Variants in MARCHF1 observed in about 807,000 individuals in gnomAD.
The protein encoded by MARCHF1 is membrane associated ring-CH-type finger 1.
MARCHF1 carries 40 observed loss-of-function variants against 54.2 expected under a neutral mutation model. The ratio of observed to expected loss-of-function variants is 0.74; its 90% CI spans 0.57 to 0.96. The LOEUF (loss-of-function observed/expected upper bound fraction) is 0.96, where lower values mean the gene tolerates loss of function less well. Among genes scored for constraint, MARCHF1 ranks in the 40% least tolerant of loss-of-function variants. The pLI, the probability that MARCHF1 is intolerant of heterozygous loss-of-function variation, is 0.00. For synonymous variants in MARCHF1, 236 were observed against 236.3 expected (o/e 1.00, Z 0.01); for missense variants, 586 against 656.5 (o/e 0.89, Z 1.17).
At chr4:164,241,676 C>G (rs538356635) in intron 1 of MARCHF1, among the ~76,000 whole-genome samples, 167 of 152,280 alleles carry the variant, frequency 1.1e-3, no homozygotes, top group African/African-American at 3.8e-3. Flanking sequence ...GCGTGAGCTA[C>G]GCAGAAGACG....
At chr4:163,863,859 C>T (rs1749994047) in intron 3 of MARCHF1, among the ~76,000 whole-genome samples, 1 of 151,956 alleles carries the variant, frequency 6.6e-6, no homozygotes, top group African/African-American at 2.4e-5. Flanking sequence ...CAAAACAAGA[C>T]ACAAACCAAA....
At chr4:163,944,133 A>ATTTTTT (rs5863642) in intron 3 of MARCHF1, among the ~76,000 whole-genome samples, 5 of 110,110 alleles carry the variant, frequency 4.5e-5, no homozygotes, top group South Asian at 3.2e-4. Context: ...CACCGGGCTA[A>ATTTTTT]TTTTTTTTTT....
At chr4:163,798,525 C>A (rs899057469) in intron 4 of MARCHF1, among the ~76,000 whole-genome samples, 53 of 152,040 alleles carry the variant, frequency 3.5e-4, no homozygotes, top group Non-Finnish European at 1.9e-4. Context: ...GTTTTCAGGG[C>A]AAATGTGTTA....
chr4:163,605,360 C>T (rs1220070601), intron 7 of MARCHF1, among the ~76,000 whole-genome samples: 1 of 152,058 alleles, frequency 6.6e-6, no homozygotes. Flanking sequence ...AATGAGATAC[C>T]ATCTCACACC....
chr4:164,341,560 G>A (rs924930639), intron 1 of MARCHF1, among the ~76,000 whole-genome samples: 3 of 152,226 alleles, frequency 2.0e-5, no homozygotes, highest in Non-Finnish European at 2.9e-5. Flanking sequence ...TATGGAAACT[G>A]GAAAGTCCAA....
At chr4:163,538,358 C>T (rs984932193) in intron 9 of MARCHF1, among the ~76,000 whole-genome samples, 2 of 151,828 alleles carry the variant, frequency 1.3e-5, no homozygotes, top group African/African-American at 4.8e-5. Context: ...CACACAAATC[C>T]CCCACATCTT....
intron 1 of MARCHF1, among the ~76,000 whole-genome samples, chr4:164,115,083 A>G (rs1474420393): frequency 1.3e-5 from 2 of 152,070 alleles, no homozygotes; most frequent in African/African-American, 2.4e-5. Flanking sequence ...AATTTACAAA[A>G]GACAGACAAG....
intron 5 of MARCHF1, among the ~76,000 whole-genome samples, chr4:163,626,257 C>T (rs2110974843): frequency 6.6e-6 from 1 of 152,296 alleles, no homozygotes; most frequent in East Asian, 1.9e-4. Flanking sequence ...GGCAACTTGT[C>T]TTAGTGGCAT....
chr4:164,126,723 G>C (rs1347619372), intron 1 of MARCHF1, among the ~76,000 whole-genome samples: 2 of 152,106 alleles, frequency 1.3e-5, no homozygotes, highest in Non-Finnish European at 1.5e-5. Flanking sequence ...ACAAAATGTT[G>C]GTAGAAATGT....
intron 2 of MARCHF1, among the ~76,000 whole-genome samples, chr4:164,019,682 T>C (rs2110964043): frequency 6.6e-6 from 1 of 152,322 alleles, no homozygotes; most frequent in African/African-American, 2.4e-5. Flanking sequence ...CAAAACTGCT[T>C]CTGACAATTC....
chr4:163,756,631 CAAAAAAAAAAAAA>C lies in MARCHF1; in HGVS notation c.112-55781_112-55769del, dbSNP rs67382228. Among the ~76,000 whole-genome samples the C allele has an allele frequency of 1.2e-4, 8 of 67,576 alleles. No homozygotes were observed. The Admixed American group carries it at 1.4e-3, about 12-fold the overall frequency. The allele number at this position is 67,576 out of a possible 152,430, so 44.3% of individuals were successfully genotyped here. On this transcript the variant is annotated intron_variant, in intron 4 of 9. Coordinates refer to ENST00000514618, the MANE Select transcript of MARCHF1 (RefSeq NM_001394959.1). ...TGGGCGACAGAGCGAGACTCTGTCTCAAAAAAAAAAAAAAAAAAAAAAAAAAGGAAAAGACAAA... is the reference window on the plus strand; with the variant it reads ...TGGGCGACAGAGCGAGACTCTGTCTCAAAAAAAAAAAAAGGAAAAGACAAA...
At chr4:163,565,640 A>G (rs903481241) in intron 8 of MARCHF1, among the ~76,000 whole-genome samples, 1 of 152,208 alleles carries the variant, frequency 6.6e-6, no homozygotes, top group Admixed American at 6.5e-5. Context: ...GACAGACAGG[A>G]GAGCAGGAGT....
chr4:163,534,324 A>T lies in MARCHF1; in HGVS notation c.1340-5278T>A, dbSNP rs1024022304. Among the ~76,000 whole-genome samples the T allele has an allele frequency of 2.0e-5, 3 of 152,080 alleles. No individual in the cohort carries two copies. In the South Asian group the frequency reaches 6.2e-4, roughly 31 times the overall value. On this transcript the variant is annotated intron_variant, in intron 9 of 9. Transcript: ENST00000514618. The stretch of plus-strand genomic sequence containing the variant: ...TGGCATGAGAAAAAATCTTTTTGCC[A>T]TCTGGCCCAGAGGAAGAAGATGCCT...
At chr4:164,167,419 T>C (rs913062695) in intron 1 of MARCHF1, among the ~76,000 whole-genome samples, 1 of 151,654 alleles carries the variant, frequency 6.6e-6, no homozygotes, top group African/African-American at 2.4e-5. Flanking sequence ...TTCACAAAAA[T>C]AGAAAAACAA....
intron 4 of MARCHF1, among the ~76,000 whole-genome samples, chr4:163,737,069 A>G (rs1232323996): frequency 2.0e-5 from 3 of 151,934 alleles, no homozygotes; most frequent in Non-Finnish European, 2.9e-5. Flanking sequence ...GCCTCAAAGT[A>G]GAGACCTGGT....
At chr4:164,364,047 C>T (rs866760120) in intron 1 of MARCHF1, among the ~76,000 whole-genome samples, 6 of 151,816 alleles carry the variant, frequency 4.0e-5, no homozygotes, top group African/African-American at 7.3e-5. Flanking sequence ...TATTATATTG[C>T]GTAAACATCT....
rs551080343 is a variant in MARCHF1, at chr4:164,220,735, G to T, written c.-322-109073C>A. Among the ~76,000 whole-genome samples, 5 of 144,382 alleles carry T rather than the reference G, an allele frequency of 3.5e-5. No homozygotes were observed. In the South Asian group the frequency reaches 8.6e-4, roughly 25 times the overall value. The allele number at this position is 144,382 out of a possible 152,430, so 94.7% of individuals were successfully genotyped here. A position where few individuals can be genotyped will look rare whatever the true frequency, so the allele number is the denominator to read the frequency against. ...TAATATATATGATATATGTATATATGTAATATATATGCTATATATGTAATA... is the reference window on the plus strand; with the variant it reads ...TAATATATATGATATATGTATATATTTAATATATATGCTATATATGTAATA... On this transcript the variant is annotated intron_variant, in intron 1 of 9. Transcript: ENST00000514618.
intron 1 of MARCHF1, among the ~76,000 whole-genome samples, chr4:164,294,514 T>G (rs1734363802): frequency 6.6e-6 from 1 of 152,188 alleles, no homozygotes; most frequent in African/African-American, 2.4e-5. Context: ...TTTCACATGC[T>G]GCAAAAAACA....
chr4:164,370,703 G>C (rs1243277978), intron 1 of MARCHF1, among the ~76,000 whole-genome samples: 4 of 152,186 alleles, frequency 2.6e-5, no homozygotes, highest in Admixed American at 1.3e-4. Flanking sequence ...GAGGTCAGGA[G>C]TTGGAGACCA....
Sources: allele counts gnomAD v4.1 joint callset (sites outside exome capture counted in the v4.1 genomes callset), GRCh38; gene constraint gnomAD v4.1.1; transcripts MANE v1.5; gene names NCBI Gene and HGNC (gene_info 2026-07-23, HGNC 2026-07-21).